Variants in ABHD12 observed in about 807,000 individuals in gnomAD.
ABHD12 encodes abhydrolase domain containing 12, lysophospholipase.
A neutral mutation model predicts 58.3 loss-of-function variants in ABHD12; 43 were observed. The ratio of observed to expected loss-of-function variants is 0.74; its 90% CI spans 0.58 to 0.95. The LOEUF is 0.95. Ranked by LOEUF, ABHD12 falls within the 40% of genes least tolerant of loss-of-function variation. The probability of loss-of-function intolerance (pLI) is 0.00; values close to 1 mark genes in which losing one functional copy is unlikely to be tolerated. For synonymous variants in ABHD12, 219 were observed against 211.2 expected, an observed-to-expected ratio of 1.04 and a Z score of -0.32; for missense variants, 539 against 537.2, an observed-to-expected ratio of 1.00 and a Z score of -0.03.
intron 1 of ABHD12, among the ~76,000 whole-genome samples, chr20:25,350,192 T>C (rs1025027706): frequency 7.2e-5 from 11 of 152,144 alleles, no homozygotes; most frequent in African/African-American, 2.4e-4. Flanking sequence ...TAGACAGAGA[T>C]AGGATATTCA....
intron 1 of ABHD12, among the ~76,000 whole-genome samples, chr20:25,388,343 C>G (rs1362875201): frequency 1.3e-5 from 2 of 152,174 alleles, no homozygotes; most frequent in Non-Finnish European, 1.5e-5. Context: ...GTGCCAGGTA[C>G]TGGAGATACT....
rs2090160554 is a variant in ABHD12, at chr20:25,390,535, C to G, written c.169G>C (p.Gly57Arg). ...AAEPRCAADA[G>R]MKRALGRRKG... ...CACCTGCCCAGCGCCCGCTTCATTC[C>G]CGCGTCGGCTGCGCAGCGCGGCTCA... is the stretch of plus-strand genomic sequence containing the variant. Residue 57 changes from glycine (G) to arginine (R), a missense_variant, in exon 1 of 13, where the codon GGA becomes CGA. Transcript: ENST00000339157. The G allele has an allele frequency of 6.8e-7, 1 of 1,468,430 alleles. No individual in the cohort carries two copies. The highest frequency in any genetic ancestry group is 9.0e-7 in the Non-Finnish European group (1 of 1,116,356). 91.0% of individuals were successfully genotyped at this position (1,468,430 alleles called of 1,614,324 possible). A position where few individuals can be genotyped will look rare whatever the true frequency, so the allele number is the denominator to read the frequency against.
rs1437025228 is a variant in ABHD12, at chr20:25,323,398, G to GT, written c.348dup (p.Pro117ThrfsTer11). 1.9e-6 allele frequency: 3 copies of GT among 1,613,688 alleles called. No homozygotes were observed. The highest frequency in any genetic ancestry group is 1.7e-6 in the Non-Finnish European group (2 of 1,179,620). On this transcript the variant is annotated frameshift_variant, in exon 3 of 13. Transcript: ENST00000339157. LOFTEE classifies it high-confidence loss of function. ...GTGTGATTCAAACCTTGATCCTGTGGTTTTTTCAAATCAATGAAATAGGGA... is the reference window on the plus strand; with the variant it reads ...GTGTGATTCAAACCTTGATCCTGTGGTTTTTTTCAAATCAATGAAATAGGGA...
At chr20:25,389,483 C>T (rs1024427195) in intron 1 of ABHD12, among the ~76,000 whole-genome samples, 1 of 152,174 alleles carries the variant, frequency 6.6e-6, no homozygotes, top group Non-Finnish European at 1.5e-5. Context: ...TCTGCTACAA[C>T]GCCTGAGATC....
At chr20:25,353,400 A>G (rs1246388008) in intron 1 of ABHD12, among the ~76,000 whole-genome samples, 1 of 152,228 alleles carries the variant, frequency 6.6e-6, no homozygotes, top group Non-Finnish European at 1.5e-5. Flanking sequence ...TATAAGCAGA[A>G]TATGTAAATA....
intron 9 of ABHD12, among the ~76,000 whole-genome samples, chr20:25,307,320 GTAAGA>G (rs948880986): frequency 2.6e-5 from 4 of 152,382 alleles, no homozygotes; most frequent in Non-Finnish European, 5.9e-5. Flanking sequence ...GCACCAAAAA[GTAAGA>G]TAAGATAAAA....
rs972192573 is a variant in ABHD12, at chr20:25,361,727, G to A, written c.192-22376C>T. ...TCCTAGCACTTTGGGAGGCCGAGACGGGTGGATCACGAGGTCAGGAGATCG... is the reference window on the plus strand; with the variant it reads ...TCCTAGCACTTTGGGAGGCCGAGACAGGTGGATCACGAGGTCAGGAGATCG... On this transcript the variant is annotated intron_variant, in intron 1 of 12. Coordinates refer to ENST00000339157, the MANE Select transcript of ABHD12 (RefSeq NM_001042472.3). 5.3e-5 allele frequency among the ~76,000 whole-genome samples: 8 copies of A among 151,932 alleles called. No individual in the cohort carries two copies. The East Asian group carries it at 5.8e-4, about 11-fold the overall frequency.
At chr20:25,309,990 G>A (rs896320754) in intron 6 of ABHD12, among the ~76,000 whole-genome samples, 1 of 152,218 alleles carries the variant, frequency 6.6e-6, no homozygotes, top group Non-Finnish European at 1.5e-5. Flanking sequence ...CTTGGGCAGG[G>A]GAGTGAGCTC....
At chr20:25,309,364 G>T in intron 7 of ABHD12, 82 bp downstream of exon 7, 1 of 1,598,012 alleles carries the variant, frequency 6.3e-7, no homozygotes, top group East Asian at 2.2e-5. Context: ...TTGCAGGGAT[G>T]GTGGACTCTC....
intron 2 of ABHD12, among the ~76,000 whole-genome samples, chr20:25,337,198 C>T (rs747276101): frequency 1.4e-4 from 21 of 152,190 alleles, no homozygotes; most frequent in Non-Finnish European, 1.9e-4. Context: ...CCTGGGAGGT[C>T]GAGGCTGCAG....
intron 7 of ABHD12, among the ~76,000 whole-genome samples, chr20:25,309,081 C>G (rs2088800813): frequency 6.6e-6 from 1 of 152,174 alleles, no homozygotes; most frequent in South Asian, 2.1e-4. Flanking sequence ...AGAGATGACT[C>G]AGGCTGCCCA....
chr20:25,309,532 G>A lies in ABHD12; in HGVS notation c.663C>T (p.Thr221=). The A allele has an allele frequency of 6.2e-7, 1 of 1,614,190 alleles. No individual in the cohort carries two copies. Among genetic ancestry groups the A allele is most frequent in the Non-Finnish European group, 8.5e-7 (1 of 1,180,026 alleles). ...AGTCAAAAACGTGGAGTGCGTCATA[G>A]GTCATGCCCCGCTCAGATGGCGTTC... ...SVGTPSERGM[T]YDALHVFDWI... Residue 221 remains threonine, a synonymous_variant, in exon 7 of 13, where the codon ACC becomes ACT. Transcript: ENST00000339157.
At chr20:25,382,255 G>A (rs1874780569) in intron 1 of ABHD12, among the ~76,000 whole-genome samples, 1 of 152,058 alleles carries the variant, frequency 6.6e-6, no homozygotes, top group Non-Finnish European at 1.5e-5. Flanking sequence ...AAGTCTTGCT[G>A]GTAATGGGAC....
intron 1 of ABHD12, among the ~76,000 whole-genome samples, chr20:25,350,698 A>G (rs1048089280): frequency 1.3e-5 from 2 of 152,194 alleles, no homozygotes; most frequent in African/African-American, 4.8e-5. Context: ...TAAAAATAAA[A>G]TCCTAAGCCC....
rs539510247 is a variant in ABHD12, at chr20:25,320,120, C to T, written c.542+79G>A. ...ACCGCAGGTTGCTCCTGCTGGTTTC[C>T]GGCAGACCGGGCCAGGACATTCCCA... On this transcript the variant is annotated intron_variant, in intron 4 of 12. Coordinates refer to ENST00000339157, the MANE Select transcript of ABHD12 (RefSeq NM_001042472.3). 93 of 1,592,610 alleles carry T rather than the reference C, an allele frequency of 5.8e-5. No homozygotes were observed. The African/African-American group carries it at 9.1e-4, about 16-fold the overall frequency.
At chr20:25,339,815 C>T (rs2089431552) in intron 1 of ABHD12, 1 of 1,194,966 alleles carries the variant, frequency 8.4e-7, no homozygotes, top group East Asian at 5.8e-5. Context: ...AGGACATCAA[C>T]AGAACCTGCC....
intron 1 of ABHD12, among the ~76,000 whole-genome samples, chr20:25,386,425 AT>A (rs961187624): frequency 2.0e-5 from 3 of 150,722 alleles, no homozygotes; most frequent in Non-Finnish European, 3.0e-5. Context: ...CGCCTGGCTA[AT>A]TTTTTTTGTA....
chr20:25,357,114 G>C (rs1347898393), intron 1 of ABHD12, among the ~76,000 whole-genome samples: 1 of 152,108 alleles, frequency 6.6e-6, no homozygotes, highest in Non-Finnish European at 1.5e-5. Context: ...CCTGCCAAGG[G>C]CCTCTAAAAC....
chr20:25,314,173 A>G (rs2088917614), intron 6 of ABHD12, among the ~76,000 whole-genome samples: 1 of 152,000 alleles, frequency 6.6e-6, no homozygotes, highest in Non-Finnish European at 1.5e-5. Context: ...GGGTTTCACC[A>G]TGTTGGCCAG....
Sources: allele counts gnomAD v4.1 joint callset (sites outside exome capture counted in the v4.1 genomes callset), GRCh38; gene constraint gnomAD v4.1.1; transcripts MANE v1.5; gene names NCBI Gene and HGNC (gene_info 2026-07-23, HGNC 2026-07-21).